ABCG2: variants seen among roughly 807,000 people sequenced by gnomAD.
ABCG2 encodes ATP binding cassette subfamily G member 2 (JR blood group).
ABCG2 carries 80 observed loss-of-function variants against 73.5 expected under a neutral mutation model. The ratio of observed to expected loss-of-function variants is 1.09; its 90% confidence interval spans 0.91 to 1.31. The LOEUF (loss-of-function observed/expected upper bound fraction) is 1.31. Among genes scored for constraint, ABCG2 ranks in the 50% most tolerant of loss-of-function variants. The pLI is 0.00. For synonymous variants in ABCG2, 269 were observed against 282.4 expected, an observed-to-expected ratio of 0.95 and a Z score of 0.48; for missense variants, 796 against 786.2, an observed-to-expected ratio of 1.01 and a Z score of -0.15.
chr4:88,109,609 G>A (rs142451212), intron 9 of ABCG2, among the ~76,000 whole-genome samples: 298 of 152,200 alleles, frequency 2.0e-3, no homozygotes, highest in Non-Finnish European at 3.4e-3. Context: ...GAAAACCCTT[G>A]GCACCTTAAA....
chr4:88,139,661 G>T, intron 2 of ABCG2, 132 bp downstream of exon 2: 1 of 704,202 alleles, frequency 1.4e-6, no homozygotes, highest in Non-Finnish European at 2.3e-6. Flanking sequence ...ACAAATGAAA[G>T]CATGTGTCTG....
At chr4:88,195,818 A>G (rs1362079572) in intron 1 of ABCG2, among the ~76,000 whole-genome samples, 2 of 152,174 alleles carry the variant, frequency 1.3e-5, no homozygotes, top group Non-Finnish European at 2.9e-5. Context: ...GGGTGGGGCC[A>G]CATGCACAGT....
chr4:88,201,202 C>T (rs1729150265), intron 1 of ABCG2, among the ~76,000 whole-genome samples: 1 of 100,244 alleles, frequency 1.0e-5, no homozygotes, highest in Non-Finnish European at 2.0e-5. Flanking sequence ...TCCAGTTGCA[C>T]TAACTGCAAA....
At chr4:88,187,615 A>C (rs1436982388) in intron 1 of ABCG2, among the ~76,000 whole-genome samples, 2 of 152,218 alleles carry the variant, frequency 1.3e-5, no homozygotes, top group Non-Finnish European at 2.9e-5. Flanking sequence ...TCCCTCTCAA[A>C]AAATAAATAA....
At chr4:88,158,034 A>G (rs1727068654) in intron 1 of ABCG2, among the ~76,000 whole-genome samples, 1 of 152,202 alleles carries the variant, frequency 6.6e-6, no homozygotes, top group South Asian at 2.1e-4. Flanking sequence ...AAATATTAAC[A>G]TCAACAAATG....
chr4:88,133,384 AT>A (rs1195947510), intron 2 of ABCG2, among the ~76,000 whole-genome samples: 1 of 152,214 alleles, frequency 6.6e-6, no homozygotes, highest in Non-Finnish European at 1.5e-5. Flanking sequence ...GCCTTAATCC[AT>A]TTAGAAAAGT....
chr4:88,156,666 G>GA (rs759770644), intron 1 of ABCG2, among the ~76,000 whole-genome samples: 10 of 151,600 alleles, frequency 6.6e-5, no homozygotes, highest in East Asian at 3.9e-4. Context: ...TAACCATTAG[G>GA]AAAAAAAACC....
At chr4:88,210,452 T>G (rs915495934) in intron 1 of ABCG2, among the ~76,000 whole-genome samples, 6 of 152,226 alleles carry the variant, frequency 3.9e-5, no homozygotes, top group African/African-American at 1.4e-4. Flanking sequence ...GCCTTACCTT[T>G]GCCTTATTTT....
At position 88,194,549 on chromosome 4, in the gene ABCG2, C is replaced by CAAAAAAA. The variant is rs58945293; in HGVS notation, c.-20+36438_-20+36444dup. ...TGGGCGACAGAGCCAGACTCCGTCTCAAAAAAAAAAAAAAAAAAAAAAAAA... is the reference window on the plus strand; with the variant it reads ...TGGGCGACAGAGCCAGACTCCGTCTCAAAAAAAAAAAAAAAAAAAAAAAAAAAAAAAA... On this transcript the variant is annotated intron_variant, in intron 1 of 15. Transcript: ENST00000515655. Among the ~76,000 whole-genome samples, 42 of 52,592 alleles carry CAAAAAAA rather than the reference C, an allele frequency of 8.0e-4. 2 individuals carry two copies. Among genetic ancestry groups the CAAAAAAA allele is most frequent in the South Asian group, 1.0e-3 (1 of 958 alleles). The allele number at this position is 52,592 out of a possible 152,430, so 34.5% of individuals were successfully genotyped here.
intron 7 of ABCG2, 101 bp downstream of exon 7, chr4:88,118,008 A>G (rs1723710260): frequency 8.7e-7 from 1 of 1,146,024 alleles, no homozygotes; most frequent in Non-Finnish European, 1.2e-6. Flanking sequence ...TTCTCATGGT[A>G]TGTCTACCCA....
At chr4:88,120,643 C>T (rs1000715681) in intron 6 of ABCG2, among the ~76,000 whole-genome samples, 11 of 152,124 alleles carry the variant, frequency 7.2e-5, no homozygotes, top group African/African-American at 2.7e-4. Context: ...GCCAATTTCT[C>T]CCATTTGGAA....
intron 1 of ABCG2, among the ~76,000 whole-genome samples, chr4:88,195,754 C>T (rs1433547511): frequency 6.6e-6 from 1 of 152,182 alleles, no homozygotes; most frequent in Non-Finnish European, 1.5e-5. Flanking sequence ...CCCTTCTCCC[C>T]TGATTCTTCC....
chr4:88,212,619 C>T (rs1045393949), intron 1 of ABCG2, among the ~76,000 whole-genome samples: 3 of 152,116 alleles, frequency 2.0e-5, no homozygotes, highest in African/African-American at 7.2e-5. Context: ...TGACCTTGCT[C>T]CACCAGGGCC....
At chr4:88,107,064 C>A in intron 10 of ABCG2, 120 bp downstream of exon 10, 1 of 743,982 alleles carries the variant, frequency 1.3e-6, no homozygotes, top group Non-Finnish European at 2.2e-6. Flanking sequence ...ACTCATCCTA[C>A]CCTCAATAAA....
intron 10 of ABCG2, among the ~76,000 whole-genome samples, chr4:88,106,022 G>A (rs1310840339): frequency 1.3e-5 from 2 of 152,186 alleles, no homozygotes; most frequent in Non-Finnish European, 2.9e-5. Flanking sequence ...TACGGCCACT[G>A]TGGAAGACGG....
intron 1 of ABCG2, among the ~76,000 whole-genome samples, chr4:88,194,987 A>G (rs1160545405): frequency 3.9e-5 from 6 of 152,228 alleles, no homozygotes; most frequent in Non-Finnish European, 8.8e-5. Context: ...CTCTTTGTGG[A>G]GAATAGACTT....
chr4:88,188,965 A>G (rs1728575354), intron 1 of ABCG2, among the ~76,000 whole-genome samples: 1 of 152,024 alleles, frequency 6.6e-6, no homozygotes, highest in Non-Finnish European at 1.5e-5. Flanking sequence ...ACGAGCCAAG[A>G]TTGCGCCACT....
At chr4:88,115,278 A>ATC (rs1340934594) in intron 7 of ABCG2, among the ~76,000 whole-genome samples, 1 of 35,206 alleles carries the variant, frequency 2.8e-5, no homozygotes, top group Non-Finnish European at 5.1e-5. Context: ...ATATATATAT[A>ATC]TATATAATTT....
chr4:88,130,545 C>A (rs1262827771), intron 5 of ABCG2, among the ~76,000 whole-genome samples: 1 of 152,104 alleles, frequency 6.6e-6, no homozygotes, highest in Non-Finnish European at 1.5e-5. Context: ...ACCATCCCCC[C>A]TACCCTGGTC....
Sources: gnomAD v4.1 joint callset for allele counts (sites outside exome capture counted in the v4.1 genomes callset) on GRCh38, gnomAD v4.1.1 for gene constraint, MANE v1.5 for transcripts, NCBI Gene and HGNC (gene_info 2026-07-23, HGNC 2026-07-21) for gene names.